The following SPAG16 variants were observed in gnomAD, a reference collection of about 807,000 sequenced individuals.
SPAG16 encodes the protein sperm-associated antigen 16 protein.
A neutral mutation model predicts 80.4 loss-of-function variants in SPAG16; 86 were observed. That is an observed-to-expected ratio of 1.07 (90% CI 0.90 to 1.28). SPAG16 has a LOEUF of 1.28. Ranked by LOEUF, SPAG16 falls within the 50% of genes most tolerant of loss-of-function variation. The pLI, the probability that SPAG16 is intolerant of heterozygous loss-of-function variation, is 0.00. For missense variants in SPAG16, 870 were observed against 765.3 expected, an observed-to-expected ratio of 1.14 and a Z score of -1.61; for synonymous variants, 294 against 265.9, an observed-to-expected ratio of 1.11 and a Z score of -1.03.
intron 10 of SPAG16, among the ~76,000 whole-genome samples, chr2:213,838,699 C>A (rs1454996259): frequency 6.6e-6 from 1 of 152,194 alleles, no homozygotes; most frequent in Non-Finnish European, 1.5e-5. Flanking sequence ...CTGAGGAAAG[C>A]AGAAACAGAG....
intron 10 of SPAG16, among the ~76,000 whole-genome samples, chr2:213,724,776 C>CAAA (rs1159240137): frequency 3.3e-4 from 13 of 39,812 alleles, no homozygotes; most frequent in East Asian, 1.1e-3. Flanking sequence ...GACTCTGTCT[C>CAAA]AAAAAAAAAA....
intron 15 of SPAG16, among the ~76,000 whole-genome samples, chr2:214,327,434 A>G (rs546506563): frequency 1.3e-5 from 2 of 152,350 alleles, no homozygotes; most frequent in African/African-American, 4.8e-5. Flanking sequence ...ACATGTAAAG[A>G]TTAAATGAGA....
chr2:213,991,911 C>G (rs1355334892), intron 12 of SPAG16, among the ~76,000 whole-genome samples: 1 of 146,790 alleles, frequency 6.8e-6, no homozygotes, highest in Non-Finnish European at 1.5e-5. Context: ...CAGTGATTCA[C>G]GGGCACTGCT....
At chr2:213,648,039 T>G (rs2062885378) in intron 10 of SPAG16, among the ~76,000 whole-genome samples, 1 of 152,342 alleles carries the variant, frequency 6.6e-6, no homozygotes, top group Non-Finnish European at 1.5e-5. Context: ...AATAAAGTTT[T>G]CATTTTTATA....
intron 15 of SPAG16, among the ~76,000 whole-genome samples, chr2:214,385,664 C>T (rs997491674): frequency 6.6e-6 from 1 of 151,848 alleles, no homozygotes; most frequent in Non-Finnish European, 1.5e-5. Context: ...GCCCACATGG[C>T]GAAATCCCGT....
At chr2:213,498,797 T>A (rs576760236) in intron 10 of SPAG16, among the ~76,000 whole-genome samples, 8 of 152,300 alleles carry the variant, frequency 5.3e-5, no homozygotes, top group South Asian at 4.1e-4. Context: ...TAACATCCTC[T>A]TTACCACTTA....
At chr2:213,738,230 A>G (rs2125446446) in intron 10 of SPAG16, among the ~76,000 whole-genome samples, 1 of 152,326 alleles carries the variant, frequency 6.6e-6, no homozygotes, top group South Asian at 2.1e-4. Flanking sequence ...CATGGGGGAT[A>G]CATTTCAAGA....
chr2:214,169,638 T>C (rs2056799333), intron 15 of SPAG16, among the ~76,000 whole-genome samples: 1 of 152,062 alleles, frequency 6.6e-6, no homozygotes, highest in Non-Finnish European at 1.5e-5. Context: ...GCAGAGAGTA[T>C]GGTAATACAT....
At chr2:213,456,759 T>A (rs192989208) in intron 9 of SPAG16, among the ~76,000 whole-genome samples, 4 of 152,242 alleles carry the variant, frequency 2.6e-5, no homozygotes, top group Middle Eastern at 3.4e-3. Context: ...TGACTTACAG[T>A]TTTCTTCTGC....
chr2:213,297,041 A>G, intron 2 of SPAG16: 1 of 1,370,536 alleles, frequency 7.3e-7, no homozygotes, highest in Non-Finnish European at 9.5e-7. Flanking sequence ...GTTGCCCACA[A>G]ACTAATCCTG....
At chr2:214,344,136 T>C (rs1697904837) in intron 15 of SPAG16, among the ~76,000 whole-genome samples, 1 of 152,104 alleles carries the variant, frequency 6.6e-6, no homozygotes, top group African/African-American at 2.4e-5. Flanking sequence ...AGAGTATCAG[T>C]ATGTATTGGA....
intron 14 of SPAG16, among the ~76,000 whole-genome samples, chr2:214,143,098 C>T (rs1425923551): frequency 6.6e-6 from 1 of 152,126 alleles, no homozygotes; most frequent in Non-Finnish European, 1.5e-5. Flanking sequence ...CTTAGTGACT[C>T]TAAAGCCACA....
intron 9 of SPAG16, among the ~76,000 whole-genome samples, chr2:213,398,820 T>G (rs189804569): frequency 1.3e-5 from 2 of 152,306 alleles, no homozygotes; most frequent in Admixed American, 1.3e-4. Context: ...AGCAGGAATA[T>G]TTATTAATTG....
chr2:213,849,107 T>C (rs2074775418), intron 10 of SPAG16, among the ~76,000 whole-genome samples: 1 of 152,188 alleles, frequency 6.6e-6, no homozygotes, highest in Non-Finnish European at 1.5e-5. Flanking sequence ...ATTGTACATC[T>C]GCATCTGGCG....
At chr2:214,260,165 G>A (rs1247871351) in intron 15 of SPAG16, among the ~76,000 whole-genome samples, 1 of 151,848 alleles carries the variant, frequency 6.6e-6, no homozygotes, top group Admixed American at 6.6e-5. Context: ...AGGGACAAAG[G>A]AAATATAATT....
At chr2:214,309,831 C>T (rs559497261) in intron 15 of SPAG16, among the ~76,000 whole-genome samples, 1 of 152,254 alleles carries the variant, frequency 6.6e-6, no homozygotes, top group South Asian at 2.1e-4. Context: ...GGGTTCCTAC[C>T]TCCCTGAGAG....
intron 9 of SPAG16, among the ~76,000 whole-genome samples, chr2:213,402,688 G>A (rs1180010443): frequency 1.3e-5 from 2 of 151,462 alleles, no homozygotes; most frequent in Non-Finnish European, 2.9e-5. Flanking sequence ...TTGGTTTTCT[G>A]TCCTTGCGAT....
intron 13 of SPAG16, among the ~76,000 whole-genome samples, chr2:214,070,470 G>A (rs1477958364): frequency 6.6e-6 from 1 of 151,990 alleles, no homozygotes; most frequent in Non-Finnish European, 1.5e-5. Context: ...TTTGAATTAT[G>A]TGATTTATAA....
chr2:213,409,891 G>A (rs970038751), intron 9 of SPAG16, among the ~76,000 whole-genome samples: 7 of 152,096 alleles, frequency 4.6e-5, no homozygotes, highest in Admixed American at 4.6e-4. Context: ...TATATACTTG[G>A]TTTATCTTCC....
Sources: gnomAD v4.1 joint callset for allele counts (sites outside exome capture counted in the v4.1 genomes callset) on GRCh38, gnomAD v4.1.1 for gene constraint, MANE v1.5 for transcripts, NCBI Gene and HGNC (gene_info 2026-07-23, HGNC 2026-07-21) for gene names.